PSMA3: variants seen among roughly 807,000 people sequenced by gnomAD.
PSMA3 encodes proteasome subunit alpha type-3.
PSMA3 carries 8 observed loss-of-function variants against 40.0 expected under a neutral mutation model. The observed-to-expected ratio is 0.20, with a 90% CI of 0.12 to 0.36. PSMA3 has a LOEUF of 0.36. Among genes scored for constraint, PSMA3 ranks in the 10% least tolerant of loss-of-function variants. The pLI, the probability that PSMA3 is intolerant of heterozygous loss-of-function variation, is 1.00. For synonymous variants in PSMA3, 110 were observed against 100.0 expected (o/e 1.10, Z -0.59); for missense variants, 219 against 310.6 (o/e 0.70, Z 2.22).
At chr14:58,271,752 T>G (rs1167321534) in intron 10 of PSMA3, 99 bp from the exon 11 acceptor site, 14 of 809,478 alleles carry the variant, frequency 1.7e-5, no homozygotes, top group Non-Finnish European at 2.9e-5. Flanking sequence ...GTAGAGGAAT[T>G]TAACCACTTA....
intron 5 of PSMA3, among the ~76,000 whole-genome samples, 169 bp from the exon 6 acceptor site, chr14:58,260,779 A>C (rs1307315279): frequency 6.6e-6 from 1 of 152,250 alleles, no homozygotes; most frequent in Non-Finnish European, 1.5e-5. Context: ...GAATAATCTC[A>C]TGTAATAGTT....
At chr14:58,247,913 G>C in intron 2 of PSMA3, 81 bp downstream of exon 2, 2 of 916,436 alleles carry the variant, frequency 2.2e-6, no homozygotes, top group South Asian at 3.3e-5. Context: ...ATGTTACTTT[G>C]GTACAAATTA....
chr14:58,256,328 C>T (rs1027692804), intron 3 of PSMA3, among the ~76,000 whole-genome samples: 4 of 151,828 alleles, frequency 2.6e-5, no homozygotes, highest in Admixed American at 6.6e-5. Flanking sequence ...GGATATTTTT[C>T]GATTTTGGAA....
At chr14:58,255,935 T>C (rs1890133984) in intron 3 of PSMA3, among the ~76,000 whole-genome samples, 1 of 152,178 alleles carries the variant, frequency 6.6e-6, no homozygotes, top group South Asian at 2.1e-4. Context: ...CTCGGCTCAC[T>C]GCAGCCTCCG....
chr14:58,261,179 A>ATT (rs11402145), intron 6 of PSMA3, among the ~76,000 whole-genome samples, 159 bp downstream of exon 6: 1,668 of 142,370 alleles, frequency 0.012, 21 homozygotes, highest in Middle Eastern at 0.037. Flanking sequence ...GTCCAACAGA[A>ATT]TTTTTTTTTT....
chr14:58,249,283 G>C (rs1464033845), intron 2 of PSMA3, among the ~76,000 whole-genome samples: 1 of 152,054 alleles, frequency 6.6e-6, no homozygotes, highest in East Asian at 1.9e-4. Flanking sequence ...TTTTAAAGAT[G>C]TATTAACCTG....
At position 58,267,540 on chromosome 14, in the gene PSMA3, AC is replaced by A; in HGVS notation, c.590+22del. 6.4e-7 allele frequency: 1 copy of A among 1,564,880 alleles called. No homozygotes were observed. The highest frequency in any genetic ancestry group is 1.2e-5 in the South Asian group (1 of 80,124). ...AAAAATGTAAGTTGAAATTTTTCTT[AC>A]CATCCACAAAAATATTTCATTTGAC... is the stretch of plus-strand genomic sequence containing the variant. On this transcript the variant is annotated intron_variant, in intron 8 of 10. Transcript: ENST00000216455.
At chr14:58,266,302 T>C (rs900178655) in intron 7 of PSMA3, 1 of 152,200 alleles carries the variant, frequency 6.6e-6, no homozygotes, top group Non-Finnish European at 1.5e-5. Context: ...AAAGATAATC[T>C]AGTTTAATAT....
At chr14:58,249,293 G>A (rs1330563775) in intron 2 of PSMA3, among the ~76,000 whole-genome samples, 1 of 151,934 alleles carries the variant, frequency 6.6e-6, no homozygotes, top group Non-Finnish European at 1.5e-5. Flanking sequence ...GTATTAACCT[G>A]TCCTTTGATA....
At chr14:58,271,139 G>T in intron 10 of PSMA3, 141 bp downstream of exon 10, 1 of 480,880 alleles carries the variant, frequency 2.1e-6, no homozygotes. Flanking sequence ...CCAAAATTAT[G>T]TGTTGAATAA....
chr14:58,245,226 C>T (rs1889853416), intron 1 of PSMA3: 1 of 445,576 alleles, frequency 2.2e-6, no homozygotes, highest in African/African-American at 1.9e-5. Flanking sequence ...CTTTCTTCAG[C>T]CACTTAGGGA....
intron 3 of PSMA3, among the ~76,000 whole-genome samples, chr14:58,253,793 C>T (rs760214677): frequency 4.2e-4 from 64 of 152,120 alleles, no homozygotes; most frequent in Admixed American, 7.9e-4. Flanking sequence ...GGGGTTTCAC[C>T]ATGTTGGTCA....
chr14:58,263,592 T>G, intron 6 of PSMA3, 113 bp from the exon 7 acceptor site: 1 of 811,602 alleles, frequency 1.2e-6, no homozygotes, highest in Non-Finnish European at 1.9e-6. Flanking sequence ...TTTCTATACT[T>G]GCTTTTAAAA....
rs1418866217 is a variant in PSMA3, at chr14:58,254,859, A to T, written c.228+2617A>T. On this transcript the variant is annotated intron_variant, in intron 3 of 10. Transcript: ENST00000216455. ...TCTGCAAAACAAGAGTGATAATAGT[A>T]CTTGGCACATACAGTTGTTGTGAGG... is the stretch of plus-strand genomic sequence containing the variant. Among the ~76,000 whole-genome samples the T allele has an allele frequency of 5.9e-5, 9 of 152,348 alleles. No individual in the cohort carries two copies. In the East Asian group the frequency reaches 1.5e-3, roughly 26 times the overall value.
intron 1 of PSMA3, among the ~76,000 whole-genome samples, chr14:58,247,152 C>T (rs1889899840): frequency 6.6e-6 from 1 of 152,200 alleles, no homozygotes; most frequent in African/African-American, 2.4e-5. Context: ...TTAGGTTTGA[C>T]TCAGCCTAAA....
chr14:58,245,302 G>C, intron 1 of PSMA3: 1 of 251,246 alleles, frequency 4.0e-6, no homozygotes, highest in Non-Finnish European at 8.0e-6. Flanking sequence ...GAGGCAGTGA[G>C]ATTTGGGATT....
chr14:58,257,326 T>C (rs1022365471), intron 3 of PSMA3, among the ~76,000 whole-genome samples: 1 of 151,574 alleles, frequency 6.6e-6, no homozygotes, highest in African/African-American at 2.4e-5. Flanking sequence ...TGAAACCCCA[T>C]CTCTACTAAA....
At chr14:58,267,127 G>A (rs61975956) in intron 7 of PSMA3, 3,799 of 157,256 alleles carry the variant, frequency 0.024, 74 homozygotes, top group Middle Eastern at 0.058. Context: ...AGCCTCCCGA[G>A]TAGCTAGGGT....
chr14:58,262,282 C>A (rs879345512), intron 6 of PSMA3, among the ~76,000 whole-genome samples: 4 of 152,050 alleles, frequency 2.6e-5, no homozygotes, highest in Admixed American at 1.3e-4. Context: ...AGTGCAGTGG[C>A]GCCAAACCTC....
Sources: gnomAD v4.1 joint callset for allele counts (sites outside exome capture counted in the v4.1 genomes callset) on GRCh38, gnomAD v4.1.1 for gene constraint, MANE v1.5 for transcripts, NCBI Gene and HGNC (gene_info 2026-07-23, HGNC 2026-07-21) for gene names.